CHMP4C: variants seen among roughly 807,000 people sequenced by gnomAD.
The protein encoded by CHMP4C is SNF7 homolog associated with Alix 3.
A neutral mutation model predicts 29.0 loss-of-function variants in CHMP4C; 28 were observed. The observed-to-expected ratio is 0.97, with a 90% CI of 0.72 to 1.32. CHMP4C has a LOEUF of 1.32. CHMP4C is among the 40% of genes most tolerant of loss of function. The pLI is 0.00. For missense variants in CHMP4C, 291 were observed against 281.0 expected, an observed-to-expected ratio of 1.04 and a Z score of -0.25; for synonymous variants, 106 against 102.4, an observed-to-expected ratio of 1.04 and a Z score of -0.21.
chr8:81,755,854 G>C (rs1808965987), intron 3 of CHMP4C, among the ~76,000 whole-genome samples: 1 of 152,174 alleles, frequency 6.6e-6, no homozygotes, highest in African/African-American at 2.4e-5. Context: ...ATGCTCTGTA[G>C]CTGTTAAATT....
chr8:81,746,833 A>C (rs1379675497), intron 1 of CHMP4C, among the ~76,000 whole-genome samples: 1 of 152,246 alleles, frequency 6.6e-6, no homozygotes, highest in Non-Finnish European at 1.5e-5. Context: ...GTTCAGTGTC[A>C]TACCATGAGA....
In CHMP4C at chr8:81,732,690, C is replaced by T. The variant is rs755642604; in HGVS notation, c.64C>T (p.Pro22Ser). The T allele has an allele frequency of 1.3e-6, 2 of 1,588,742 alleles. No homozygotes were observed. Among genetic ancestry groups the T allele is most frequent in the South Asian group, 2.3e-5 (2 of 87,370 alleles). Residue 22 changes from proline (P) to serine (S), a missense_variant, in exon 1 of 5, where the codon CCC becomes TCC. Pro to Ser is a moderately conservative substitution (Grantham distance 74, BLOSUM62 -1). Transcript: ENST00000297265. ...TTCTAAGAGCCGAGCCGCTCCCAGT[C>T]CCCAGGAGGCCCTGGTCCGACTTCG... ...GSSKSRAAPSPQEALVRLRET... is the reference protein window; with the variant it reads ...GSSKSRAAPSSQEALVRLRET...
chr8:81,753,207 G>A lies in CHMP4C; in HGVS notation c.334G>A (p.Ala112Thr), dbSNP rs560450219. The change falls in exon 2 of 5, where the codon GCA (alanine) becomes ACA (threonine). Residue 112 changes from alanine (A) to threonine (T), a missense_variant. By Grantham distance (58) the Ala-to-Thr change is moderately conservative (BLOSUM62 0). Coordinates refer to ENST00000297265, the MANE Select transcript of CHMP4C (RefSeq NM_152284.4). ...NTEVLRNMGF[A>T]AKAMKSVHEN... ...TGAGGTGTTGAGGAACATGGGCTTT[G>A]CAGCAAAAGCGATGAAATCTGTTCA... 2 of 1,606,582 alleles carry A rather than the reference G, an allele frequency of 1.2e-6. No individual in the cohort carries two copies. The highest frequency in any genetic ancestry group is 1.7e-6 in the Non-Finnish European group (2 of 1,176,840).
At chr8:81,756,826 T>C (rs1808978872) in intron 3 of CHMP4C, among the ~76,000 whole-genome samples, 1 of 152,164 alleles carries the variant, frequency 6.6e-6, no homozygotes, top group Non-Finnish European at 1.5e-5. Context: ...ATGGTATTTG[T>C]CCCTGATTGT....
intron 1 of CHMP4C, among the ~76,000 whole-genome samples, chr8:81,739,097 C>CT (rs68130793): frequency 0.011 from 1,140 of 100,710 alleles, 21 homozygotes; most frequent in African/African-American, 0.028. Context: ...TTTCTTTTCC[C>CT]TTTTTTTTTT....
At chr8:81,742,634 C>T (rs990790060) in intron 1 of CHMP4C, among the ~76,000 whole-genome samples, 2 of 152,184 alleles carry the variant, frequency 1.3e-5, no homozygotes, top group Non-Finnish European at 2.9e-5. Context: ...TTTGCTGCAG[C>T]AGTAACGTTG....
chr8:81,756,694 G>A (rs903772568), intron 3 of CHMP4C, among the ~76,000 whole-genome samples: 1 of 152,112 alleles, frequency 6.6e-6, no homozygotes, highest in Middle Eastern at 3.2e-3. Flanking sequence ...TTACTCTGTT[G>A]TTACCATATT....
intron 1 of CHMP4C, among the ~76,000 whole-genome samples, chr8:81,742,366 G>T (rs1020802995): frequency 6.6e-6 from 1 of 152,198 alleles, no homozygotes; most frequent in Admixed American, 6.5e-5. Context: ...TCTGTTAACA[G>T]TTGGGAAGCC....
chr8:81,740,591 G>A (rs1279160465), intron 1 of CHMP4C, among the ~76,000 whole-genome samples: 2 of 152,162 alleles, frequency 1.3e-5, no homozygotes, highest in East Asian at 1.9e-4. Context: ...GAATTCAGAT[G>A]TTCATCTAGC....
At chr8:81,750,711 G>C (rs759794448) in intron 1 of CHMP4C, among the ~76,000 whole-genome samples, 5 of 151,906 alleles carry the variant, frequency 3.3e-5, no homozygotes, top group Non-Finnish European at 5.9e-5. Context: ...GTGTGTAATT[G>C]TATATATAAT....
intron 1 of CHMP4C, 31 bp from the exon 2 acceptor site, chr8:81,753,033 T>G: frequency 1.3e-6 from 2 of 1,562,860 alleles, no homozygotes; most frequent in Non-Finnish European, 1.7e-6. Context: ...TCTTTCTCTT[T>G]CCTAATAAAT....
At chr8:81,748,128 T>G (rs1474332778) in intron 1 of CHMP4C, among the ~76,000 whole-genome samples, 5 of 152,144 alleles carry the variant, frequency 3.3e-5, no homozygotes, top group Non-Finnish European at 1.5e-5. Context: ...TTTCTCCCAT[T>G]TGCTTTTGAA....
intron 3 of CHMP4C, among the ~76,000 whole-genome samples, chr8:81,756,515 A>C (rs1448162751): frequency 1.3e-5 from 2 of 152,088 alleles, no homozygotes; most frequent in African/African-American, 4.8e-5. Context: ...TTTGTTAAAA[A>C]CTTTGTGTAA....
chr8:81,754,448 A>G (rs1343211773), intron 2 of CHMP4C, among the ~76,000 whole-genome samples: 1 of 152,184 alleles, frequency 6.6e-6, no homozygotes, highest in African/African-American at 2.4e-5. Context: ...AGGTAAAAGT[A>G]TTCTTTTTGA....
intron 1 of CHMP4C, among the ~76,000 whole-genome samples, chr8:81,746,556 G>T (rs541411168): frequency 5.7e-4 from 87 of 152,244 alleles, no homozygotes; most frequent in African/African-American, 2.0e-3. Context: ...TCTCACAGGA[G>T]AAAAAACAAA....
At chr8:81,742,402 T>G (rs530675766) in intron 1 of CHMP4C, among the ~76,000 whole-genome samples, 31 of 152,296 alleles carry the variant, frequency 2.0e-4, no homozygotes, top group African/African-American at 6.7e-4. Flanking sequence ...AATTCTTGAT[T>G]TAAAAATTAA....
rs146492515 is a variant in CHMP4C, at chr8:81,758,283, C to G, written c.625C>G (p.Arg209Gly). 1.2e-6 allele frequency: 2 copies of G among 1,613,986 alleles called. No individual in the cohort carries two copies. The highest frequency in any genetic ancestry group is 3.3e-5 in the Admixed American group (2 of 59,972). The change falls in exon 4 of 5, where the codon CGA (arginine) becomes GGA (glycine). Residue 209 changes from arginine (R) to glycine (G), a missense_variant. Coordinates refer to ENST00000297265, the MANE Select transcript of CHMP4C (RefSeq NM_152284.4). The stretch of plus-strand genomic sequence containing the variant: ...ACCAGGCATGTCGTCCACTGCACGT[C>G]GATCCCGAGCAGGTCTGTTACCCAG... The part of the protein sequence containing the change: ...RKPGMSSTAR[R>G]SRAASSQRAE...
At chr8:81,747,506 A>G (rs1808842413) in intron 1 of CHMP4C, among the ~76,000 whole-genome samples, 1 of 152,152 alleles carries the variant, frequency 6.6e-6, no homozygotes, top group Admixed American at 6.5e-5. Flanking sequence ...TTAGCTTCAT[A>G]GGATACTCTG....
intron 1 of CHMP4C, among the ~76,000 whole-genome samples, chr8:81,735,708 TACA>T (rs1247719716): frequency 6.6e-6 from 1 of 152,202 alleles, no homozygotes; most frequent in Non-Finnish European, 1.5e-5. Context: ...TCAATTTCTC[TACA>T]ACAACAGAAG....
Sources: gnomAD v4.1 joint callset for allele counts (sites outside exome capture counted in the v4.1 genomes callset) on GRCh38, gnomAD v4.1.1 for gene constraint, MANE v1.5 for transcripts, NCBI Gene and HGNC (gene_info 2026-07-23, HGNC 2026-07-21) for gene names.